IPMK: variants seen among roughly 807,000 people sequenced by gnomAD.
IPMK encodes inositol 1,3,4,6-tetrakisphosphate 5-kinase.
Under a neutral mutation model 45.8 loss-of-function variants are expected in IPMK, and 17 were observed. The ratio of observed to expected loss-of-function variants is 0.37; its 90% CI spans 0.25 to 0.56. The LOEUF (loss-of-function observed/expected upper bound fraction) is 0.56. Among genes scored for constraint, IPMK ranks in the 20% least tolerant of loss-of-function variants. The pLI is 0.79. For missense variants in IPMK, 399 were observed against 498.0 expected (o/e 0.80, Z 1.89); for synonymous variants, 180 against 184.3 (o/e 0.98, Z 0.19).
chr10:58,241,204 A>C (rs1328147419), intron 1 of IPMK, among the ~76,000 whole-genome samples: 2 of 152,218 alleles, frequency 1.3e-5, no homozygotes, highest in African/African-American at 2.4e-5. Flanking sequence ...TACAGGAAAG[A>C]GGGGCAGGAT....
chr10:58,218,808 A>G (rs1174847219), intron 3 of IPMK, among the ~76,000 whole-genome samples: 1 of 152,228 alleles, frequency 6.6e-6, no homozygotes, highest in Non-Finnish European at 1.5e-5. Context: ...CTGAAATAAA[A>G]TCTCCTATCT....
At chr10:58,208,651 G>C (rs989265064) in intron 4 of IPMK, among the ~76,000 whole-genome samples, 1 of 152,124 alleles carries the variant, frequency 6.6e-6, no homozygotes, top group Non-Finnish European at 1.5e-5. Context: ...CCTAATGCTG[G>C]CTATAGTAGT....
rs972719420 is a variant in IPMK at position 58,194,264 on chromosome 10, C to A, written c.*1812G>T. 6.6e-6 allele frequency: 1 copy of A among 151,658 alleles called. No individual in the cohort carries two copies. The highest frequency in any genetic ancestry group is 2.4e-5 in the African/African-American group (1 of 41,368). The allele number at this position is 151,658 out of a possible 1,614,324, so 9.4% of individuals were successfully genotyped here. A position where few individuals can be genotyped will look rare whatever the true frequency, so the allele number is the denominator to read the frequency against. On this transcript the variant is annotated 3_prime_UTR_variant, in exon 6 of 6. Coordinates refer to ENST00000373935, the MANE Select transcript of IPMK (RefSeq NM_152230.5). Reference sequence around the variant, plus strand: ...TCTGAGCTTAAGATTTATTGAACCACTATCCAAATAACAACAAAATCCATA... The same window carrying A: ...TCTGAGCTTAAGATTTATTGAACCAATATCCAAATAACAACAAAATCCATA...
intron 1 of IPMK, among the ~76,000 whole-genome samples, chr10:58,244,123 G>C (rs2132169782): frequency 7.0e-6 from 1 of 142,520 alleles, no homozygotes. Context: ...GGGCGCCTCT[G>C]CCTGGCCACC....
At chr10:58,247,257 G>A (rs1246162643) in intron 1 of IPMK, among the ~76,000 whole-genome samples, 7 of 149,800 alleles carry the variant, frequency 4.7e-5, no homozygotes, top group African/African-American at 1.3e-4. Context: ...CGATTCCTCA[G>A]GGATCTAGAA....
In IPMK at chr10:58,259,678, A is replaced by AAAAAAAAAAAAAAAAC. The variant is rs984861270; in HGVS notation, c.190+7743_190+7744insGTTTTTTTTTTTTTTT. Among the ~76,000 whole-genome samples, 67 of 144,586 alleles carry AAAAAAAAAAAAAAAAC rather than the reference A, an allele frequency of 4.6e-4. No homozygotes were observed. In the East Asian group the frequency reaches 7.7e-3, roughly 17 times the overall value. The allele number at this position is 144,586 out of a possible 152,430, so 94.9% of individuals were successfully genotyped here. On this transcript the variant is annotated intron_variant, in intron 1 of 5. Transcript: ENST00000373935. Reference sequence around the variant, plus strand: ...TAAAATCCCATCTCTACATAAAAAAAAAAAAAAAACAATTAGCCAGGCATG... The same window carrying AAAAAAAAAAAAAAAAC: ...TAAAATCCCATCTCTACATAAAAAAAAAAAAAAAAAAAAAACAAAAAAAAACAATTAGCCAGGCATG...
intron 3 of IPMK, among the ~76,000 whole-genome samples, chr10:58,224,283 C>A (rs1050998598): frequency 6.6e-6 from 1 of 152,128 alleles, no homozygotes; most frequent in Admixed American, 6.6e-5. Flanking sequence ...CAAACCTACT[C>A]GATGTTATAC....
chr10:58,215,543 G>A (rs1288361575), intron 4 of IPMK, among the ~76,000 whole-genome samples: 6 of 151,786 alleles, frequency 4.0e-5, no homozygotes, highest in East Asian at 1.9e-4. Flanking sequence ...CGAGTAGCTC[G>A]GACTATAGGC....
At chr10:58,227,178 T>A in intron 2 of IPMK, 39 bp from the exon 3 acceptor site, 3 of 1,415,410 alleles carry the variant, frequency 2.1e-6, no homozygotes, top group Non-Finnish European at 3.0e-6. Context: ...ATTCTTACAA[T>A]GCTTTGTAAC....
chr10:58,202,511 A>T (rs61875329), intron 4 of IPMK, among the ~76,000 whole-genome samples: 3,690 of 152,236 alleles, frequency 0.024, 72 homozygotes, highest in Non-Finnish European at 0.035. Flanking sequence ...CAAAAAATTT[A>T]AAAATTAGTT....
At chr10:58,212,563 A>G (rs1282346075) in intron 4 of IPMK, 1 of 222,650 alleles carries the variant, frequency 4.5e-6, no homozygotes, top group Non-Finnish European at 1.0e-5. Context: ...AACCACCCTT[A>G]AAGAAAATCA....
At chr10:58,253,630 C>A (rs190346116) in intron 1 of IPMK, among the ~76,000 whole-genome samples, 2 of 149,964 alleles carry the variant, frequency 1.3e-5, no homozygotes, top group Admixed American at 1.3e-4. Context: ...CCCAGCTACT[C>A]GGGAGGCTGA....
intron 4 of IPMK, among the ~76,000 whole-genome samples, chr10:58,211,177 C>T (rs2132149310): frequency 6.8e-6 from 1 of 146,044 alleles, no homozygotes; most frequent in African/African-American, 2.6e-5. Context: ...TGACAGGTAA[C>T]AGTGATTACC....
chr10:58,224,943 A>T lies in IPMK; in HGVS notation c.373+2100T>A, dbSNP rs372749067. On this transcript the variant is annotated intron_variant, in intron 3 of 5. Coordinates refer to ENST00000373935, the MANE Select transcript of IPMK (RefSeq NM_152230.5). Reference sequence around the variant, plus strand: ...CAATCAAAAGGATAAAAACAGAAAGATGATTCTATGAAGTTGCTAGTAAAA... The same window carrying T: ...CAATCAAAAGGATAAAAACAGAAAGTTGATTCTATGAAGTTGCTAGTAAAA... Among the ~76,000 whole-genome samples, 5 of 152,332 alleles carry T rather than the reference A, an allele frequency of 3.3e-5. No individual in the cohort carries two copies. The South Asian group carries it at 6.2e-4, about 19-fold the overall frequency.
chr10:58,265,537 A>G (rs1839136000), intron 1 of IPMK, among the ~76,000 whole-genome samples: 1 of 152,214 alleles, frequency 6.6e-6, no homozygotes, highest in Non-Finnish European at 1.5e-5. Context: ...TTACTTAACA[A>G]TACAGTCAGG....
At position 58,251,980 on chromosome 10, in the gene IPMK, A is replaced by G. The variant is rs555284959; in HGVS notation, c.191-14166T>C. Among the ~76,000 whole-genome samples, 3 of 152,340 alleles carry G rather than the reference A, an allele frequency of 2.0e-5. No homozygotes were observed. In the South Asian group the frequency reaches 6.2e-4, roughly 32 times the overall value. ...GGGGAATGTAATACATTTACACTCA[A>G]GGTATGATAGGTAAGGGTTTACTAC... On this transcript the variant is annotated intron_variant, in intron 1 of 5. Transcript: ENST00000373935.
intron 1 of IPMK, among the ~76,000 whole-genome samples, chr10:58,249,379 C>T (rs1317021742): frequency 6.6e-6 from 1 of 152,134 alleles, no homozygotes; most frequent in Non-Finnish European, 1.5e-5. Context: ...CCACCATGCT[C>T]AGTTTGACGT....
intron 5 of IPMK, among the ~76,000 whole-genome samples, chr10:58,197,126 C>G (rs1293937136): frequency 7.0e-6 from 1 of 143,228 alleles, no homozygotes; most frequent in Non-Finnish European, 1.5e-5. Flanking sequence ...CAGTGAAACC[C>G]CGTCTCTACT....
intron 2 of IPMK, among the ~76,000 whole-genome samples, chr10:58,237,395 T>C (rs1172569293): frequency 1.3e-5 from 2 of 152,216 alleles, no homozygotes; most frequent in Non-Finnish European, 2.9e-5. Context: ...AGCTCTAACC[T>C]TACCTTTGTA....
Sources: gnomAD v4.1 joint callset for allele counts (sites outside exome capture counted in the v4.1 genomes callset) on GRCh38, gnomAD v4.1.1 for gene constraint, MANE v1.5 for transcripts, NCBI Gene and HGNC (gene_info 2026-07-23, HGNC 2026-07-21) for gene names.